The following ASPRV1 variants were observed in gnomAD, a reference collection of about 807,000 sequenced individuals.
ASPRV1 encodes aspartic peptidase retroviral like 1.
In ASPRV1, 7 loss-of-function variants were observed where a neutral mutation model predicts 11.0. That is an observed-to-expected ratio of 0.64 (90% CI 0.36 to 1.20). The LOEUF (loss-of-function observed/expected upper bound fraction) is 1.20, where lower values mean the gene tolerates loss of function less well. Among genes scored for constraint, ASPRV1 ranks in the 50% most tolerant of loss-of-function variants. The pLI, the probability that ASPRV1 is intolerant of heterozygous loss-of-function variation, is 0.02. For missense variants in ASPRV1, 299 were observed against 320.0 expected, an observed-to-expected ratio of 0.93 and a Z score of 0.50; for synonymous variants, 136 against 138.4, an observed-to-expected ratio of 0.98 and a Z score of 0.12.
the ASPRV1 span, among the ~76,000 whole-genome samples, chr2:70,036,598 CAAAA>C: frequency 6.6e-6 from 1 of 151,348 alleles, no homozygotes; most frequent in East Asian, 1.9e-4. Flanking sequence ...AAACAAAAAA[CAAAA>C]AAAAGTAATA....
At chr2:69,944,060 G>A in the ASPRV1 span, among the ~76,000 whole-genome samples, 1 of 152,154 alleles carries the variant, frequency 6.6e-6, no homozygotes, top group Non-Finnish European at 1.5e-5. Context: ...TGGCAGCTGG[G>A]CCCTTTTAGG....
the ASPRV1 span, among the ~76,000 whole-genome samples, chr2:70,053,170 G>C: frequency 2.0e-5 from 3 of 152,164 alleles, no homozygotes; most frequent in Non-Finnish European, 4.4e-5. Context: ...AAGCTGCCGA[G>C]GGTGACCAGA....
chr2:70,047,631 C>G, the ASPRV1 span, among the ~76,000 whole-genome samples: 3 of 152,204 alleles, frequency 2.0e-5, no homozygotes, highest in South Asian at 6.2e-4. Context: ...AGTCACTACA[C>G]TTCTCTGACA....
At chr2:69,956,385 C>T (rs960864523), downstream of ASPRV1, among the ~76,000 whole-genome samples, 187 of 146,556 alleles carry the variant, frequency 1.3e-3, 1 homozygote, top group African/African-American at 4.4e-3. Flanking sequence ...GAGTTTGAGA[C>T]CAGCTAGGGC....
chr2:69,972,216 C>A, the ASPRV1 span, among the ~76,000 whole-genome samples: 1 of 151,748 alleles, frequency 6.6e-6, no homozygotes, highest in Non-Finnish European at 1.5e-5. Flanking sequence ...CGCCCACCAC[C>A]ACGCCTGGCT....
the ASPRV1 span, among the ~76,000 whole-genome samples, chr2:70,027,267 A>C: frequency 2.0e-5 from 3 of 150,970 alleles, no homozygotes; most frequent in African/African-American, 7.3e-5. Flanking sequence ...CTCAAAAAAA[A>C]AAAAAAAAAA....
chr2:70,047,199 A>C, the ASPRV1 span, among the ~76,000 whole-genome samples: 1 of 152,190 alleles, frequency 6.6e-6, no homozygotes, highest in Admixed American at 6.5e-5. Flanking sequence ...AGTTCAGTTT[A>C]GTGAGAGTGG....
At chr2:70,014,302 T>A in the ASPRV1 span, among the ~76,000 whole-genome samples, 13 of 152,108 alleles carry the variant, frequency 8.5e-5, no homozygotes, top group Admixed American at 7.9e-4. Flanking sequence ...CATAGAGAAA[T>A]TTAAATATTC....
chr2:69,948,367 G>C, the ASPRV1 span, among the ~76,000 whole-genome samples: 3 of 152,230 alleles, frequency 2.0e-5, no homozygotes, highest in African/African-American at 7.2e-5. Flanking sequence ...GCGGCATGAA[G>C]GGGACACTGT....
At chr2:70,041,979 TATC>T in the ASPRV1 span, among the ~76,000 whole-genome samples, 5 of 152,210 alleles carry the variant, frequency 3.3e-5, no homozygotes, top group Non-Finnish European at 5.9e-5. Context: ...ATAGTAACAT[TATC>T]TTCATCTGGA....
the ASPRV1 span, among the ~76,000 whole-genome samples, chr2:70,080,718 CA>C: frequency 6.6e-6 from 1 of 152,138 alleles, no homozygotes; most frequent in South Asian, 2.1e-4. Context: ...AGTCAAATCT[CA>C]ATAATATACA....
At chr2:70,045,733 G>C in the ASPRV1 span, 1 of 152,160 alleles carries the variant, frequency 6.6e-6, no homozygotes, top group African/African-American at 2.4e-5. Flanking sequence ...GACTAGCCTG[G>C]CCAACATGGT....
At chr2:70,025,191 C>T in the ASPRV1 span, among the ~76,000 whole-genome samples, 1 of 152,148 alleles carries the variant, frequency 6.6e-6, no homozygotes, top group Non-Finnish European at 1.5e-5. Flanking sequence ...TACACGCATG[C>T]ATGTGAATGT....
the ASPRV1 span, among the ~76,000 whole-genome samples, chr2:70,043,559 C>T: frequency 5.9e-5 from 9 of 152,220 alleles, no homozygotes; most frequent in Non-Finnish European, 1.3e-4. Flanking sequence ...TTTGTCATCG[C>T]TTTTTGCATG....
the ASPRV1 span, among the ~76,000 whole-genome samples, chr2:70,055,283 G>A: frequency 3.3e-5 from 5 of 152,138 alleles, no homozygotes; most frequent in African/African-American, 1.2e-4. Context: ...TGATGCCACT[G>A]GGCGACAGAG....
the ASPRV1 span, among the ~76,000 whole-genome samples, chr2:70,047,560 G>A: frequency 1.7e-4 from 26 of 152,284 alleles, no homozygotes; most frequent in East Asian, 2.9e-3. Flanking sequence ...GGTACAGCAC[G>A]CCAAAAGTGG....
At chr2:69,969,269 G>A in the ASPRV1 span, among the ~76,000 whole-genome samples, 2 of 152,146 alleles carry the variant, frequency 1.3e-5, no homozygotes, top group Admixed American at 1.3e-4. Flanking sequence ...ATGGTCCGAG[G>A]CAGCCCGCTT....
the ASPRV1 span, among the ~76,000 whole-genome samples, chr2:69,978,255 C>T: frequency 6.6e-6 from 1 of 152,188 alleles, no homozygotes; most frequent in African/African-American, 2.4e-5. Flanking sequence ...ACACTCTTTC[C>T]ACCCCTCCAA....
chr2:69,953,177 C>T, the ASPRV1 span, among the ~76,000 whole-genome samples: 1 of 152,254 alleles, frequency 6.6e-6, no homozygotes, highest in Non-Finnish European at 1.5e-5. Flanking sequence ...TCTTCCCCAT[C>T]TTCTGTACCT....
Sources: allele counts gnomAD v4.1 joint callset (sites outside exome capture counted in the v4.1 genomes callset), GRCh38; gene constraint gnomAD v4.1.1; transcripts MANE v1.5; gene names NCBI Gene and HGNC (gene_info 2026-07-23, HGNC 2026-07-21).